Variants in CTNND2 observed in about 807,000 individuals in gnomAD.
CTNND2 encodes catenin delta 2, also known as catenin delta-2.
CTNND2 carries 22 observed loss-of-function variants against 144.4 expected under a neutral mutation model. The observed-to-expected ratio is 0.15, with a 90% CI of 0.11 to 0.22. The LOEUF is 0.22. CTNND2 is among the 10% of genes least tolerant of loss of function. The pLI, the probability that CTNND2 is intolerant of heterozygous loss-of-function variation, is 1.00. For missense variants in CTNND2, 1,353 were observed against 1,618.8 expected, an observed-to-expected ratio of 0.84 and a Z score of 2.82; for synonymous variants, 751 against 695.6, an observed-to-expected ratio of 1.08 and a Z score of -1.25.
intron 1 of CTNND2, among the ~76,000 whole-genome samples, chr5:11,852,109 C>G (rs551946474): frequency 6.6e-6 from 1 of 152,192 alleles, no homozygotes; most frequent in South Asian, 2.1e-4. Flanking sequence ...CTTGTTCCTA[C>G]CTTTCAGACT....
At chr5:11,149,974 C>T (rs1757594371) in intron 12 of CTNND2, among the ~76,000 whole-genome samples, 2 of 152,148 alleles carry the variant, frequency 1.3e-5, no homozygotes, top group South Asian at 4.1e-4. Flanking sequence ...GGAGTAATGA[C>T]TTTTACTTTC....
intron 11 of CTNND2, among the ~76,000 whole-genome samples, chr5:11,185,253 T>A (rs1364188499): frequency 6.6e-6 from 1 of 152,164 alleles, no homozygotes; most frequent in African/African-American, 2.4e-5. Context: ...TGGCCCTCTC[T>A]CCATGCTTTT....
chr5:11,768,731 A>G (rs1346183573), intron 1 of CTNND2, among the ~76,000 whole-genome samples: 1 of 152,174 alleles, frequency 6.6e-6, no homozygotes, highest in East Asian at 1.9e-4. Flanking sequence ...ACCTGCAATC[A>G]TTTGTGAGGA....
chr5:11,378,677 C>G (rs1758172191), intron 7 of CTNND2, among the ~76,000 whole-genome samples: 1 of 152,184 alleles, frequency 6.6e-6, no homozygotes, highest in South Asian at 2.1e-4. Context: ...TTGACCCCAT[C>G]CCAGGAGCTG....
chr5:11,881,016 T>G (rs1032821232), intron 1 of CTNND2, among the ~76,000 whole-genome samples: 4 of 148,544 alleles, frequency 2.7e-5, no homozygotes, highest in African/African-American at 9.8e-5. Flanking sequence ...CCACCACTAC[T>G]ACTACCACTA....
chr5:11,410,033 C>T (rs1761388348), intron 5 of CTNND2, among the ~76,000 whole-genome samples: 1 of 151,844 alleles, frequency 6.6e-6, no homozygotes, highest in African/African-American at 2.4e-5. Flanking sequence ...ATGAGATTTC[C>T]ACTATCATCT....
intron 8 of CTNND2, among the ~76,000 whole-genome samples, chr5:11,364,374 G>A (rs540528006): frequency 1.5e-4 from 23 of 152,268 alleles, no homozygotes; most frequent in African/African-American, 3.6e-4. Flanking sequence ...AAATGACTAC[G>A]TCCTTGGGGT....
chr5:11,007,490 G>A lies in CTNND2; in HGVS notation c.3084+10484C>T, dbSNP rs571722542. Reference sequence around the variant, plus strand: ...CGGGCACGTGGTTATGACAGGACACGTGGCAACAACAAGAAACATCTGAGA... The same window carrying A: ...CGGGCACGTGGTTATGACAGGACACATGGCAACAACAAGAAACATCTGAGA... On this transcript the variant is annotated intron_variant, in intron 18 of 21. Transcript: ENST00000304623. Among the ~76,000 whole-genome samples the A allele has an allele frequency of 1.4e-3, 211 of 152,326 alleles. 1 individual carries two copies. The highest frequency in any genetic ancestry group is 4.9e-3 in the African/African-American group (202 of 41,576).
chr5:11,770,455 G>A (rs931923454), intron 1 of CTNND2, among the ~76,000 whole-genome samples: 8 of 116,846 alleles, frequency 6.8e-5, no homozygotes, highest in African/African-American at 2.7e-4. Flanking sequence ...AAGGAAGGAA[G>A]GAAGGAAGGG....
chr5:11,832,053 A>G (rs1181503676), intron 1 of CTNND2, among the ~76,000 whole-genome samples: 11 of 151,762 alleles, frequency 7.2e-5, no homozygotes, highest in African/African-American at 2.7e-4. Flanking sequence ...GGAGTCCTAG[A>G]CAGGTGGATC....
At chr5:11,296,844 G>C (rs1749077263) in intron 9 of CTNND2, among the ~76,000 whole-genome samples, 1 of 152,092 alleles carries the variant, frequency 6.6e-6, no homozygotes, top group South Asian at 2.1e-4. Context: ...GGCATGGGGG[G>C]AGTGGGGAGG....
chr5:11,069,478 A>G (rs1168705127), intron 16 of CTNND2, among the ~76,000 whole-genome samples: 1 of 152,222 alleles, frequency 6.6e-6, no homozygotes, highest in East Asian at 1.9e-4. Context: ...ATCCGTAGGG[A>G]CAGAGGAGAG....
At chr5:11,481,629 G>C (rs939945738) in intron 3 of CTNND2, among the ~76,000 whole-genome samples, 13 of 152,160 alleles carry the variant, frequency 8.5e-5, no homozygotes, top group African/African-American at 2.6e-4. Context: ...GAGACGGAGA[G>C]AGAGAGAAAG....
intron 1 of CTNND2, among the ~76,000 whole-genome samples, chr5:11,749,622 C>T (rs1416361465): frequency 3.3e-5 from 5 of 151,942 alleles, no homozygotes. Flanking sequence ...TTTCACAGTA[C>T]ATTCTGTCTG....
rs940620634 is a variant in CTNND2 at position 11,497,511 on chromosome 5, CGG to C, written c.287+67431_287+67432del. On this transcript the variant is annotated intron_variant, in intron 3 of 21. Transcript: ENST00000304623. ...CATCCATGAGGCAAAGAATGATGTGCGGGGGGGTGGGGGGGGGCAATATGTGC... is the reference window on the plus strand; with the variant it reads ...CATCCATGAGGCAAAGAATGATGTGCGGGGGTGGGGGGGGGCAATATGTGC... Among the ~76,000 whole-genome samples, 11 of 6,246 alleles carry C rather than the reference CGG, an allele frequency of 1.8e-3. 1 individual carries two copies. The highest frequency in any genetic ancestry group is 9.5e-3 in the African/African-American group (10 of 1,052). The allele number at this position is 6,246 out of a possible 152,430, so 4.1% of individuals were successfully genotyped here. A position where few individuals can be genotyped will look rare whatever the true frequency, so the allele number is the denominator to read the frequency against.
At chr5:11,581,246 A>C (rs1298950050) in intron 2 of CTNND2, among the ~76,000 whole-genome samples, 6 of 152,090 alleles carry the variant, frequency 3.9e-5, no homozygotes, top group Non-Finnish European at 8.8e-5. Context: ...CATGCATCCC[A>C]AATTTTTATT....
chr5:11,072,631 T>C (rs1748454547), intron 16 of CTNND2, among the ~76,000 whole-genome samples: 2 of 152,264 alleles, frequency 1.3e-5, no homozygotes, highest in Non-Finnish European at 2.9e-5. Flanking sequence ...TGCTTGATTC[T>C]CTCACTCAAT....
chr5:11,485,909 A>T (rs929251423), intron 3 of CTNND2, among the ~76,000 whole-genome samples: 10 of 152,228 alleles, frequency 6.6e-5, no homozygotes, highest in Non-Finnish European at 2.9e-5. Context: ...AATCAAATTA[A>T]AATTTCACTA....
chr5:11,810,407 G>A (rs1002991212), intron 1 of CTNND2, among the ~76,000 whole-genome samples: 1 of 152,070 alleles, frequency 6.6e-6, no homozygotes, highest in African/African-American at 2.4e-5. Flanking sequence ...TACTTTTTAA[G>A]CTTAATCTTG....
Sources: allele counts gnomAD v4.1 joint callset (sites outside exome capture counted in the v4.1 genomes callset), GRCh38; gene constraint gnomAD v4.1.1; transcripts MANE v1.5; gene names NCBI Gene and HGNC (gene_info 2026-07-23, HGNC 2026-07-21).